The following KCNK2 variants were observed in gnomAD, a reference collection of about 807,000 sequenced individuals.
The protein encoded by KCNK2 is potassium channel subfamily K member 2.
A neutral mutation model predicts 40.5 loss-of-function variants in KCNK2; 21 were observed. That is an observed-to-expected ratio of 0.52 (90% CI 0.37 to 0.75). KCNK2 has a LOEUF of 0.75. Ranked by LOEUF, KCNK2 falls within the 30% of genes least tolerant of loss-of-function variation. The pLI is 0.00. For missense variants in KCNK2, 399 were observed against 531.6 expected (o/e 0.75, Z 2.45); for synonymous variants, 191 against 202.2 (o/e 0.94, Z 0.47).
chr1:215,010,870 G>GTGTA (rs1656357479), intron 1 of KCNK2, among the ~76,000 whole-genome samples: 1 of 111,878 alleles, frequency 8.9e-6, no homozygotes, highest in East Asian at 2.7e-4. Flanking sequence ...TTTTTTTTTT[G>GTGTA]TGTGTGTGTG....
intron 5 of KCNK2, among the ~76,000 whole-genome samples, chr1:215,179,286 C>G (rs982857519): frequency 1.3e-5 from 2 of 151,896 alleles, no homozygotes; most frequent in Non-Finnish European, 2.9e-5. Flanking sequence ...TCTTGCTTAT[C>G]CTTTCAAAGA....
At chr1:215,102,767 C>T (rs1050263985) in intron 2 of KCNK2, among the ~76,000 whole-genome samples, 39 of 152,040 alleles carry the variant, frequency 2.6e-4, no homozygotes, top group African/African-American at 9.4e-4. Context: ...GTTATAATTA[C>T]CTACAGTATT....
At chr1:215,225,447 A>G (rs997475081) in intron 6 of KCNK2, among the ~76,000 whole-genome samples, 2 of 152,214 alleles carry the variant, frequency 1.3e-5, no homozygotes, top group African/African-American at 2.4e-5. Flanking sequence ...TCTATAAATT[A>G]TTGACTTTTA....
chr1:215,170,022 C>A (rs1421146248), intron 4 of KCNK2, among the ~76,000 whole-genome samples: 1 of 152,080 alleles, frequency 6.6e-6, no homozygotes, highest in Non-Finnish European at 1.5e-5. Flanking sequence ...CCTACATTTT[C>A]TTATTTGTAT....
In KCNK2 at chr1:215,209,467, T is replaced by A. The variant is rs373322337; in HGVS notation, c.963+14375T>A. Among the ~76,000 whole-genome samples the A allele has an allele frequency of 8.3e-4, 8 of 9,670 alleles. 2 individuals are homozygous for A. Among genetic ancestry groups the A allele is most frequent in the Admixed American group, 2.4e-3 (1 of 418 alleles). The allele number at this position is 9,670 out of a possible 152,430, so 6.3% of individuals were successfully genotyped here. On this transcript the variant is annotated intron_variant, in intron 6 of 6. Coordinates refer to ENST00000444842, the MANE Select transcript of KCNK2 (RefSeq NM_001017425.3). ...TATAATATATATTATATATTATATA[T>A]AATATATATTATATATAATACATAT...
chr1:215,178,998 A>AT (rs35115547), intron 5 of KCNK2, among the ~76,000 whole-genome samples: 112,949 of 149,496 alleles, frequency 0.76, 42,902 homozygotes, highest in African/African-American at 0.78. Flanking sequence ...TGGTTGGTAG[A>AT]TTTTTTTTTT....
At chr1:215,115,333 AC>A (rs1252054328) in intron 2 of KCNK2, among the ~76,000 whole-genome samples, 1 of 152,146 alleles carries the variant, frequency 6.6e-6, no homozygotes, top group Non-Finnish European at 1.5e-5. Flanking sequence ...TTGGAAAAAA[AC>A]GAGAGGTTTT....
At chr1:215,007,004 T>TATATATAC (rs1656150439) in intron 1 of KCNK2, among the ~76,000 whole-genome samples, 1 of 8,818 alleles carries the variant, frequency 1.1e-4, no homozygotes, top group Non-Finnish European at 3.6e-4. Context: ...TCACTATATA[T>TATATATAC]ATATATATAT....
chr1:215,041,784 C>T (rs78388135), intron 1 of KCNK2, among the ~76,000 whole-genome samples: 43 of 152,294 alleles, frequency 2.8e-4, no homozygotes, highest in Non-Finnish European at 5.6e-4. Flanking sequence ...AGGGCACAGC[C>T]TGTTAAACAT....
rs1249790426 is a variant in KCNK2, at chr1:215,029,620, A to G, written c.34+23665A>G. 2.0e-5 allele frequency among the ~76,000 whole-genome samples: 3 copies of G among 147,500 alleles called. No individual in the cohort carries two copies. In the Admixed American group the frequency reaches 2.0e-4, roughly 10 times the overall value. On this transcript the variant is annotated intron_variant, in intron 1 of 6. Transcript: ENST00000391895. ...ATATTTAATATATTAATATATATTT[A>G]ATATATGAATATAAATATTGATATA...
intron 1 of KCNK2, among the ~76,000 whole-genome samples, chr1:215,035,473 G>A (rs971817429): frequency 2.0e-5 from 3 of 151,802 alleles, no homozygotes; most frequent in Non-Finnish European, 4.4e-5. Context: ...CTTTCCTATC[G>A]TTTTGCCCTT....
intron 2 of KCNK2, among the ~76,000 whole-genome samples, chr1:215,106,362 A>G (rs1660440135): frequency 6.6e-6 from 1 of 151,836 alleles, no homozygotes. Flanking sequence ...CATTTTTTGT[A>G]TGTTTGTTGG....
intron 5 of KCNK2, among the ~76,000 whole-genome samples, chr1:215,193,566 G>A (rs1664750945): frequency 6.6e-6 from 1 of 151,904 alleles, no homozygotes; most frequent in Non-Finnish European, 1.5e-5. Context: ...GATTCGGCCT[G>A]TAAAATGACT....
chr1:215,191,117 T>C (rs1664645786), intron 5 of KCNK2, among the ~76,000 whole-genome samples: 1 of 151,850 alleles, frequency 6.6e-6, no homozygotes, highest in Admixed American at 6.6e-5. Flanking sequence ...AAACCCTGTC[T>C]CTACTAAAAA....
chr1:215,166,675 C>T (rs2102630768), intron 3 of KCNK2, among the ~76,000 whole-genome samples: 1 of 152,210 alleles, frequency 6.6e-6, no homozygotes, highest in Middle Eastern at 3.4e-3. Flanking sequence ...CCTCCTTCAC[C>T]AGCACTACTT....
chr1:215,066,685 G>C (rs1658556918), intron 1 of KCNK2, among the ~76,000 whole-genome samples: 1 of 152,140 alleles, frequency 6.6e-6, no homozygotes, highest in Non-Finnish European at 1.5e-5. Context: ...GGCTGACCAA[G>C]GTAGTCTGAT....
chr1:215,155,353 A>G (rs1166127792), intron 3 of KCNK2, among the ~76,000 whole-genome samples: 1 of 152,086 alleles, frequency 6.6e-6, no homozygotes, highest in Non-Finnish European at 1.5e-5. Flanking sequence ...AGCAACCTTT[A>G]TCTCCTATTA....
At chr1:215,182,677 C>A (rs1022957277) in intron 5 of KCNK2, among the ~76,000 whole-genome samples, 1 of 152,182 alleles carries the variant, frequency 6.6e-6, no homozygotes, top group Non-Finnish European at 1.5e-5. Context: ...GCTCCTACCC[C>A]ACTCGAGAGC....
chr1:215,136,165 G>A (rs1250960055), intron 3 of KCNK2, among the ~76,000 whole-genome samples: 2 of 151,900 alleles, frequency 1.3e-5, no homozygotes, highest in East Asian at 1.9e-4. Flanking sequence ...GCATGACCCC[G>A]GTTCACTTCA....
Sources: gnomAD v4.1 joint callset for allele counts (sites outside exome capture counted in the v4.1 genomes callset) on GRCh38, gnomAD v4.1.1 for gene constraint, MANE v1.5 for transcripts, NCBI Gene and HGNC (gene_info 2026-07-23, HGNC 2026-07-21) for gene names.